Variants in WDFY4 observed in about 807,000 individuals in gnomAD.
WDFY4 encodes WDFY family member 4.
In WDFY4, 169 loss-of-function variants were observed where a neutral mutation model predicts 351.9. The observed-to-expected ratio is 0.48, with a 90% CI of 0.42 to 0.55. WDFY4 has a LOEUF of 0.55. Ranked by LOEUF, WDFY4 falls within the 20% of genes least tolerant of loss-of-function variation. The pLI, the probability that WDFY4 is intolerant of heterozygous loss-of-function variation, is 0.00. For missense variants in WDFY4, 3,803 were observed against 3,935.6 expected (o/e 0.97, Z 0.90); for synonymous variants, 1,622 against 1,574.6 (o/e 1.03, Z -0.71).
intron 53 of WDFY4, among the ~76,000 whole-genome samples, chr10:48,960,743 G>A (rs1201565550): frequency 1.3e-5 from 2 of 152,166 alleles, no homozygotes; most frequent in Admixed American, 1.3e-4. Flanking sequence ...GTAAAAAGGA[G>A]CAGATTTACT....
At chr10:48,755,553 A>G (rs571128043) in intron 12 of WDFY4, among the ~76,000 whole-genome samples, 10 of 152,142 alleles carry the variant, frequency 6.6e-5, no homozygotes, top group African/African-American at 2.4e-4. Flanking sequence ...ATTGAGATTC[A>G]TTTTTTGTTT....
chr10:48,736,648 G>A (rs954441229), intron 11 of WDFY4, among the ~76,000 whole-genome samples: 5 of 152,186 alleles, frequency 3.3e-5, no homozygotes, highest in Non-Finnish European at 5.9e-5. Context: ...ATAGTCAATT[G>A]TGATACAACC....
rs564338235 is a variant in WDFY4, at chr10:48,878,864, T to A, written c.7167+1665T>A. Among the ~76,000 whole-genome samples, 18 of 152,378 alleles carry A rather than the reference T, an allele frequency of 1.2e-4. No individual in the cohort carries two copies. The South Asian group carries it at 3.7e-3, about 32-fold the overall frequency. Reference sequence around the variant, plus strand: ...AAACCCTGTTGTCTAACCACAGGCATGCCTGAAGCAGCCAGTCAGTCAACA... The same window carrying A: ...AAACCCTGTTGTCTAACCACAGGCAAGCCTGAAGCAGCCAGTCAGTCAACA... On this transcript the variant is annotated intron_variant, in intron 43 of 61. Transcript: ENST00000325239.
Position 48,790,779 on chromosome 10 carries a change from C to T in WDFY4, c.4119C>T (p.Gly1373=), listed in dbSNP as rs10857644. The T allele has an allele frequency of 0.1, 160,040 of 1,551,642 alleles. 10,448 individuals carry two copies. The highest frequency in any genetic ancestry group is 0.31 in the African/African-American group (22,301 of 73,092). Residue 1373 remains glycine, a synonymous_variant, in exon 23 of 62, where the codon GGC becomes GGT. Coordinates refer to ENST00000325239, the MANE Select transcript of WDFY4 (RefSeq NM_001394531.1). The part of the protein sequence containing the change: ...SPAASSLDFI[G]GPAILLGLIS... ...CTGCCAGCAGCCTGGACTTCATTGG[C>T]GGGCCTGCCATCCTCCTGGGCCTCA...
intron 1 of WDFY4, among the ~76,000 whole-genome samples, chr10:48,708,510 G>A (rs1480796051): frequency 6.6e-6 from 1 of 152,166 alleles, no homozygotes; most frequent in Non-Finnish European, 1.5e-5. Flanking sequence ...TTTGGTGAGG[G>A]CTTTTATTCA....
chr10:48,817,815 C>T (rs2067674825), intron 32 of WDFY4, among the ~76,000 whole-genome samples: 2 of 152,234 alleles, frequency 1.3e-5, no homozygotes, highest in African/African-American at 2.4e-5. Flanking sequence ...CCTCATCCAA[C>T]TTGCAGGCCC....
At chr10:48,919,743 T>G (rs1432904002) in intron 47 of WDFY4, among the ~76,000 whole-genome samples, 2 of 152,226 alleles carry the variant, frequency 1.3e-5, no homozygotes, top group African/African-American at 2.4e-5. Context: ...AATTTCCTCA[T>G]GATCTAAATG....
intron 12 of WDFY4, among the ~76,000 whole-genome samples, chr10:48,751,445 G>A (rs547682701): frequency 6.6e-6 from 1 of 152,326 alleles, no homozygotes; most frequent in South Asian, 2.1e-4. Context: ...GAGCAAAGGA[G>A]CTGTCAGTTG....
rs970132025 is a variant in WDFY4, at chr10:48,780,126, T to C, written c.3576+7T>C. 3.9e-6 allele frequency: 6 copies of C among 1,551,680 alleles called. No homozygotes were observed. Among genetic ancestry groups the C allele is most frequent in the African/African-American group, 1.4e-5 (1 of 73,062 alleles). On this transcript the variant is annotated splice_region_variant and intron_variant, in intron 19 of 61. Transcript: ENST00000325239. ...GGTCATTGGCTCTGCCAAGGTGAGA[T>C]GGCTCCTCCAAGCTGCACTTGCCCC...
chr10:48,726,411 C>A (rs949258754), intron 6 of WDFY4, among the ~76,000 whole-genome samples: 1 of 152,160 alleles, frequency 6.6e-6, no homozygotes, highest in African/African-American at 2.4e-5. Flanking sequence ...GCTATTAATG[C>A]CATTTTAGAA....
At chr10:48,889,463 T>C (rs758682414) in intron 43 of WDFY4, among the ~76,000 whole-genome samples, 3 of 151,156 alleles carry the variant, frequency 2.0e-5, no homozygotes, top group Non-Finnish European at 4.4e-5. Context: ...AGGTGGCTGA[T>C]CTTTAGTGAG....
chr10:48,913,838 G>A, intron 47 of WDFY4: 6 of 1,614,104 alleles, frequency 3.7e-6, no homozygotes, highest in Non-Finnish European at 5.1e-6. Flanking sequence ...TGGTCAGCCG[G>A]TTGTTGCTGA....
At position 48,820,500 on chromosome 10, in the gene WDFY4, A is replaced by G. The variant is rs764646785; in HGVS notation, c.5709+63A>G. 673 of 1,514,298 alleles carry G rather than the reference A, an allele frequency of 4.4e-4. 1 individual carries two copies. The highest frequency in any genetic ancestry group is 5.4e-4 in the Non-Finnish European group (606 of 1,118,476). The allele number at this position is 1,514,298 out of a possible 1,614,324, so 93.8% of individuals were successfully genotyped here. A position where few individuals can be genotyped will look rare whatever the true frequency, so the allele number is the denominator to read the frequency against. ...GAGGCTGCCGGCATACCGGCACTGC[A>G]AGGGCAGGATGCACCCAGGGAGACA... On this transcript the variant is annotated intron_variant, in intron 33 of 61. Transcript: ENST00000325239.
intron 40 of WDFY4, among the ~76,000 whole-genome samples, chr10:48,873,145 T>C (rs528916410): frequency 3.9e-5 from 6 of 152,362 alleles, no homozygotes; most frequent in East Asian, 1.9e-4. Flanking sequence ...GTGAGATTCA[T>C]GTCCATTTGG....
chr10:48,945,522 T>G (rs889148876), intron 49 of WDFY4, among the ~76,000 whole-genome samples: 4 of 152,180 alleles, frequency 2.6e-5, no homozygotes, highest in African/African-American at 9.7e-5. Context: ...GGTCCTGTTT[T>G]CTCTGCAGTA....
intron 60 of WDFY4, 95 bp downstream of exon 60, chr10:48,978,488 C>T: frequency 8.3e-7 from 1 of 1,207,382 alleles, no homozygotes; most frequent in South Asian, 1.6e-5. Context: ...CAGCTCCTCC[C>T]AGGTCTGCCC....
At chr10:48,813,750 T>A (rs1589672505) in intron 30 of WDFY4, among the ~76,000 whole-genome samples, 3 of 152,224 alleles carry the variant, frequency 2.0e-5, no homozygotes, top group Admixed American at 6.5e-5. Flanking sequence ...CTCTAGGGGA[T>A]CTTCAGCACC....
intron 9 of WDFY4, among the ~76,000 whole-genome samples, chr10:48,733,297 T>TTTCA (rs57440826): frequency 0.079 from 12,063 of 152,072 alleles, 614 homozygotes; most frequent in East Asian, 0.24. Context: ...TAAACTCTAT[T>TTTCA]TTCATTCATT....
chr10:48,937,651 A>T (rs1234286787), intron 47 of WDFY4, among the ~76,000 whole-genome samples: 1 of 152,256 alleles, frequency 6.6e-6, no homozygotes, highest in Non-Finnish European at 1.5e-5. Flanking sequence ...ATTAAGTGTT[A>T]TTATTAGGTC....
Sources: gnomAD v4.1 joint callset for allele counts (sites outside exome capture counted in the v4.1 genomes callset) on GRCh38, gnomAD v4.1.1 for gene constraint, MANE v1.5 for transcripts, NCBI Gene and HGNC (gene_info 2026-07-23, HGNC 2026-07-21) for gene names.